The following TCTN2 variants were observed in gnomAD, a reference collection of about 807,000 sequenced individuals.
TCTN2 encodes tectonic-2.
A neutral mutation model predicts 83.4 loss-of-function variants in TCTN2; 66 were observed. The observed-to-expected ratio is 0.79, with a 90% confidence interval of 0.65 to 0.97. The LOEUF (loss-of-function observed/expected upper bound fraction) is 0.97. TCTN2 is among the 50% of genes least tolerant of loss of function. TCTN2 has a pLI of 0.00. For missense variants in TCTN2, 794 were observed against 858.1 expected (o/e 0.93, Z 0.93); for synonymous variants, 301 against 326.7 (o/e 0.92, Z 0.85).
Position 123,671,570 on chromosome 12 carries a change from C to G in TCTN2, c.146C>G (p.Thr49Ser), listed in dbSNP as rs1480822197. Reference sequence around the variant, plus strand: ...GTCAGCGCGTCCCTGGTCGGAGACACCGAGGGTGTGACCGTGTCCCTGGCA... The same window carrying G: ...GTCAGCGCGTCCCTGGTCGGAGACAGCGAGGGTGTGACCGTGTCCCTGGCA... ...PAVSASLVGD[T>S]EGVTVSLAVL... is the part of the protein sequence containing the mutation. The change falls in exon 2 of 18, where the codon ACC (threonine) becomes AGC (serine). Residue 49 changes from threonine to serine, a missense_variant. Transcript: ENST00000303372. 1.2e-6 allele frequency: 2 copies of G among 1,613,982 alleles called. No individual in the cohort carries two copies. Among genetic ancestry groups the G allele is most frequent in the East Asian group, 4.5e-5 (2 of 44,874 alleles).
Position 123,708,393 on chromosome 12 carries a change from T to C in TCTN2, c.*680T>C, listed in dbSNP as rs957305046. ...TAATAAATGAAATGTCTTATTTTTGTAGAAAATTTTTATTAAGTGCCCTGT... is the reference window on the plus strand; with the variant it reads ...TAATAAATGAAATGTCTTATTTTTGCAGAAAATTTTTATTAAGTGCCCTGT... On this transcript the variant is annotated 3_prime_UTR_variant, in exon 18 of 18. Coordinates refer to ENST00000303372, the MANE Select transcript of TCTN2 (RefSeq NM_024809.5). The C allele has an allele frequency of 1.3e-5, 2 of 152,634 alleles. No homozygotes were observed. The highest frequency in any genetic ancestry group is 4.8e-5 in the African/African-American group (2 of 41,456). The allele number at this position is 152,634 out of a possible 1,614,324, so 9.5% of individuals were successfully genotyped here. A position where few individuals can be genotyped will look rare whatever the true frequency, so the allele number is the denominator to read the frequency against.
chr12:123,692,609 G>A (rs778625196), intron 8 of TCTN2, 49 bp from the exon 9 acceptor site: 30 of 1,399,958 alleles, frequency 2.1e-5, no homozygotes, highest in African/African-American at 2.8e-5. Flanking sequence ...GTGTGATCAT[G>A]GTAGGCCATG....
chr12:123,695,453 G>T, intron 11 of TCTN2, 156 bp downstream of exon 11: 1 of 604,574 alleles, frequency 1.7e-6, no homozygotes, highest in South Asian at 1.8e-5. Flanking sequence ...ACGGAGTCTT[G>T]CTCTGTTGCC....
chr12:123,704,240 C>T (rs911429040), intron 14 of TCTN2, among the ~76,000 whole-genome samples: 22 of 152,018 alleles, frequency 1.4e-4, no homozygotes, highest in Admixed American at 2.6e-4. Context: ...CTCTTGACCT[C>T]GTGATCTGCC....
intron 12 of TCTN2, 89 bp from the exon 13 acceptor site, chr12:123,696,998 A>C (rs1956116717): frequency 9.6e-7 from 1 of 1,039,566 alleles, no homozygotes. Flanking sequence ...ATTTCTACTT[A>C]CTGTTTTCTG....
At chr12:123,703,517 C>T (rs11612030) in intron 14 of TCTN2, among the ~76,000 whole-genome samples, 54,570 of 151,988 alleles carry the variant, frequency 0.36, 10,283 homozygotes, top group African/African-American at 0.41. Flanking sequence ...GAGGTTCTCA[C>T]TTTTGTCCAG....
intron 5 of TCTN2, among the ~76,000 whole-genome samples, chr12:123,679,831 C>G (rs1448702156): frequency 6.7e-6 from 1 of 150,190 alleles, no homozygotes; most frequent in African/African-American, 2.4e-5. Context: ...GCTCCGCCTC[C>G]CGGGTTCATG....
intron 5 of TCTN2, among the ~76,000 whole-genome samples, chr12:123,680,131 T>C (rs1457116518): frequency 6.6e-6 from 1 of 151,926 alleles, no homozygotes; most frequent in Non-Finnish European, 1.5e-5. Flanking sequence ...GGTGGGCGGA[T>C]CACCTGAGGT....
chr12:123,673,638 G>T lies in TCTN2; in HGVS notation c.291G>T (p.Arg97Ser). 6.2e-7 allele frequency: 1 copy of T among 1,614,206 alleles called. No individual in the cohort carries two copies. The highest frequency in any genetic ancestry group is 1.1e-5 in the South Asian group (1 of 91,080). The change falls in exon 4 of 18, where the codon AGG becomes AGT. Residue 97 changes from arginine (R) to serine (S), a missense_variant. Arg to Ser is a moderately radical substitution (Grantham distance 110). Transcript: ENST00000303372. ...PGAKVLEVTV[R>S]WKRGLDWCSS... is the part of the protein sequence containing the mutation. ...AGAAGGTGTTGGAAGTGACAGTGAG[G>T]TGGAAGAGAGGTCTGGACTGGTGTT...
At chr12:123,687,086 T>G in intron 6 of TCTN2, 51 bp downstream of exon 6, 2 of 1,605,132 alleles carry the variant, frequency 1.2e-6, no homozygotes. Context: ...CCCGCCCTGG[T>G]GGGGCCATAC....
chr12:123,684,320 C>T (rs1015413812), intron 5 of TCTN2, among the ~76,000 whole-genome samples: 3 of 150,806 alleles, frequency 2.0e-5, no homozygotes, highest in Non-Finnish European at 2.9e-5. Context: ...ACCCTCTTAG[C>T]AAATTTTTAA....
chr12:123,700,603 G>A (rs1956161454), intron 14 of TCTN2, among the ~76,000 whole-genome samples: 1 of 151,996 alleles, frequency 6.6e-6, no homozygotes, highest in South Asian at 2.1e-4. Context: ...GCTAATTTTT[G>A]TATTTTTTAA....
intron 15 of TCTN2, 80 bp downstream of exon 15, chr12:123,704,768 AT>A: frequency 4.1e-6 from 6 of 1,471,506 alleles, no homozygotes; most frequent in Non-Finnish European, 5.7e-6. Context: ...GGAAATGTTT[AT>A]TTAGAAACTG....
intron 4 of TCTN2, among the ~76,000 whole-genome samples, chr12:123,675,230 T>C (rs1955806226): frequency 6.6e-6 from 1 of 152,168 alleles, no homozygotes; most frequent in African/African-American, 2.4e-5. Context: ...TGTACATGAA[T>C]CTTTGGACAT....
chr12:123,684,840 A>G (rs1032570786), intron 5 of TCTN2, among the ~76,000 whole-genome samples: 1 of 152,036 alleles, frequency 6.6e-6, no homozygotes, highest in Non-Finnish European at 1.5e-5. Flanking sequence ...TCATGAGGTC[A>G]GGAGATAGAG....
intron 5 of TCTN2, among the ~76,000 whole-genome samples, chr12:123,684,344 G>A (rs1955936931): frequency 6.6e-6 from 1 of 150,404 alleles, no homozygotes; most frequent in Admixed American, 6.6e-5. Flanking sequence ...TCCTATCATG[G>A]TTGGTTTCAC....
intron 14 of TCTN2, among the ~76,000 whole-genome samples, chr12:123,703,489 AT>A (rs1314060993): frequency 6.6e-6 from 1 of 151,448 alleles, no homozygotes; most frequent in African/African-American, 2.4e-5. Flanking sequence ...ACTGATTTTT[AT>A]TTTTATTTTT....
chr12:123,706,784 C>T lies in TCTN2; in HGVS notation c.1828C>T (p.Leu610Phe), dbSNP rs2135862388. ...GCTTACCTGTGAGCACAAGGCCGAC[C>T]TTCTCCCTATCAGTGCATCCGTCCA... ...CGLTCEHKAD[L>F]LPISASVQFI... Residue 610 changes from leucine to phenylalanine, a missense_variant, in exon 16 of 18, where the codon CTT (leucine) becomes TTT (phenylalanine). By Grantham distance (22) the Leu-to-Phe change is conservative. Coordinates refer to ENST00000303372, the MANE Select transcript of TCTN2 (RefSeq NM_024809.5). 1.2e-6 allele frequency: 2 copies of T among 1,614,160 alleles called. No homozygotes were observed. Among genetic ancestry groups the T allele is most frequent in the East Asian group, 4.5e-5 (2 of 44,890 alleles).
intron 7 of TCTN2, among the ~76,000 whole-genome samples, chr12:123,689,015 C>G (rs1444409527): frequency 3.9e-5 from 6 of 152,008 alleles, no homozygotes; most frequent in Non-Finnish European, 7.4e-5. Flanking sequence ...CTCAGCCTCC[C>G]AAAGTGCTGG....
Sources: gnomAD v4.1 joint callset for allele counts (sites outside exome capture counted in the v4.1 genomes callset) on GRCh38, gnomAD v4.1.1 for gene constraint, MANE v1.5 for transcripts, NCBI Gene and HGNC (gene_info 2026-07-23, HGNC 2026-07-21) for gene names.